The following ULK4 variants were observed in gnomAD, a reference collection of about 807,000 sequenced individuals.
The protein encoded by ULK4 is unc-51 like kinase 4, also known as inactive serine/threonine-protein kinase ULK4.
Under a neutral mutation model 160.6 loss-of-function variants are expected in ULK4, and 133 were observed. The ratio of observed to expected loss-of-function variants is 0.83; its 90% CI spans 0.72 to 0.96. ULK4 has a LOEUF of 0.96. Among genes scored for constraint, ULK4 ranks in the 40% least tolerant of loss-of-function variants. The pLI, the probability that ULK4 is intolerant of heterozygous loss-of-function variation, is 0.00. For synonymous variants in ULK4, 534 were observed against 539.8 expected (o/e 0.99, Z 0.15); for missense variants, 1,580 against 1,499.5 (o/e 1.05, Z -0.89).
intron 35 of ULK4, among the ~76,000 whole-genome samples, chr3:41,280,211 G>A (rs1177245768): frequency 6.6e-6 from 1 of 152,150 alleles, no homozygotes; most frequent in Admixed American, 6.6e-5. Context: ...ATAATAATGG[G>A]AGACTTTAAT....
At chr3:41,603,219 G>A (rs1049370055) in intron 31 of ULK4, among the ~76,000 whole-genome samples, 2 of 151,656 alleles carry the variant, frequency 1.3e-5, no homozygotes, top group African/African-American at 4.8e-5. Flanking sequence ...GAAATTAACA[G>A]GAACATAAAG....
At chr3:41,587,514 T>G (rs1190797669) in intron 31 of ULK4, among the ~76,000 whole-genome samples, 1 of 152,220 alleles carries the variant, frequency 6.6e-6, no homozygotes. Context: ...TGACTCCATG[T>G]AGATATATAG....
chr3:41,579,562 C>T (rs1267563096), intron 31 of ULK4, among the ~76,000 whole-genome samples: 1 of 144,616 alleles, frequency 6.9e-6, no homozygotes, highest in Non-Finnish European at 1.5e-5. Context: ...GGCGCGATCT[C>T]GACTCACTGC....
intron 19 of ULK4, among the ~76,000 whole-genome samples, chr3:41,801,638 C>T (rs1362321341): frequency 1.3e-5 from 2 of 151,862 alleles, no homozygotes; most frequent in Non-Finnish European, 2.9e-5. Context: ...TCAGTTGAGG[C>T]CAGGAGTTCA....
At chr3:41,709,807 G>A (rs2037027401) in intron 25 of ULK4, among the ~76,000 whole-genome samples, 2 of 152,134 alleles carry the variant, frequency 1.3e-5, no homozygotes, top group South Asian at 4.1e-4. Context: ...TGTTGAATAA[G>A]AAACTCAGAG....
chr3:41,602,001 C>T (rs1013584741), intron 31 of ULK4, among the ~76,000 whole-genome samples: 2 of 152,000 alleles, frequency 1.3e-5, no homozygotes, highest in African/African-American at 2.4e-5. Context: ...CAATACCAGG[C>T]TGGGCAACAT....
At chr3:41,756,246 T>C (rs2038800891) in intron 21 of ULK4, among the ~76,000 whole-genome samples, 1 of 152,216 alleles carries the variant, frequency 6.6e-6, no homozygotes, top group Non-Finnish European at 1.5e-5. Flanking sequence ...GCTGTATTAT[T>C]TCTATGCACC....
intron 32 of ULK4, among the ~76,000 whole-genome samples, chr3:41,474,999 A>C (rs1001879084): frequency 6.6e-6 from 1 of 152,176 alleles, no homozygotes; most frequent in Non-Finnish European, 1.5e-5. Context: ...GTATTTACCC[A>C]TAAGATTTGA....
intron 32 of ULK4, among the ~76,000 whole-genome samples, chr3:41,562,353 G>C (rs1674471664): frequency 6.6e-6 from 1 of 152,182 alleles, no homozygotes; most frequent in Non-Finnish European, 1.5e-5. Flanking sequence ...TTGGGGTGGA[G>C]AGTTCTGTAG....
At chr3:41,685,639 G>A (rs796576550) in intron 27 of ULK4, among the ~76,000 whole-genome samples, 10 of 152,248 alleles carry the variant, frequency 6.6e-5, no homozygotes, top group East Asian at 1.9e-4. Context: ...AGATAACATC[G>A]CAACCAGTTG....
intron 34 of ULK4, among the ~76,000 whole-genome samples, chr3:41,431,547 C>CA (rs563543377): frequency 3.1e-5 from 3 of 95,852 alleles, no homozygotes; most frequent in African/African-American, 1.3e-4. Flanking sequence ...AATTCCCTCC[C>CA]TTTTTTTTTT....
chr3:41,325,061 G>A (rs940637427), intron 35 of ULK4, among the ~76,000 whole-genome samples: 1 of 152,170 alleles, frequency 6.6e-6, no homozygotes, highest in African/African-American at 2.4e-5. Context: ...GCCTGTTACG[G>A]TGGTGAGAAT....
chr3:41,493,131 T>C (rs2084852654), intron 32 of ULK4, among the ~76,000 whole-genome samples: 1 of 131,006 alleles, frequency 7.6e-6, no homozygotes, highest in Non-Finnish European at 1.6e-5. Context: ...ATACATTTTT[T>C]TCAGTACCAC....
At chr3:41,629,119 G>A (rs779250547) in intron 30 of ULK4, among the ~76,000 whole-genome samples, 7 of 152,162 alleles carry the variant, frequency 4.6e-5, no homozygotes, top group Admixed American at 1.3e-4. Context: ...GTGGCATAAA[G>A]CAATAACCAT....
In ULK4 at chr3:41,649,806, A is replaced by C. The variant is rs562626197; in HGVS notation, c.3071+13801T>G. On this transcript the variant is annotated intron_variant, in intron 30 of 36. Coordinates refer to ENST00000301831, the MANE Select transcript of ULK4 (RefSeq NM_017886.4). The stretch of plus-strand genomic sequence containing the variant: ...GGCAGAAGAGGGAGGATTCCCAGTG[A>C]AACTCCACCTTCAAGCCAGGGATAG... Among the ~76,000 whole-genome samples the C allele has an allele frequency of 1.2e-3, 176 of 152,366 alleles. 1 individual carries two copies. In the South Asian group the frequency reaches 0.017, roughly 15 times the overall value.
rs1439742882 is a variant in ULK4, at chr3:41,705,088, T to C, written c.2750A>G (p.Tyr917Cys). 1.4e-5 allele frequency: 22 copies of C among 1,613,636 alleles called. No homozygotes were observed. The highest frequency in any genetic ancestry group is 2.2e-5 in the East Asian group (1 of 44,864). ...GCGATAGTCTTTCAATAAAATAGGA[T>C]ACTGTATTATTGCTTCAAAAGCTGA... ...TLSAFEAIIQYPILLKDYRST... is the reference protein window; with the variant it reads ...TLSAFEAIIQCPILLKDYRST... The change falls in exon 27 of 37, where the codon TAT becomes TGT. Residue 917 changes from tyrosine to cysteine, a missense_variant. By Grantham distance (194) the Tyr-to-Cys change is radical (BLOSUM62 -2). Coordinates refer to ENST00000301831, the MANE Select transcript of ULK4 (RefSeq NM_017886.4).
intron 21 of ULK4, among the ~76,000 whole-genome samples, chr3:41,769,909 A>G (rs2039297251): frequency 6.6e-6 from 1 of 152,202 alleles, no homozygotes; most frequent in African/African-American, 2.4e-5. Flanking sequence ...CCATCAACTG[A>G]TAACAGCCTG....
At chr3:41,728,041 G>A (rs1240586643) in intron 22 of ULK4, among the ~76,000 whole-genome samples, 2 of 152,192 alleles carry the variant, frequency 1.3e-5, no homozygotes, top group Admixed American at 1.3e-4. Flanking sequence ...TGCCAGAATA[G>A]CAAGTCTGGA....
chr3:41,293,916 T>G (rs1203949847), intron 35 of ULK4, among the ~76,000 whole-genome samples: 1 of 152,148 alleles, frequency 6.6e-6, no homozygotes, highest in African/African-American at 2.4e-5. Flanking sequence ...GTTTGAAAGG[T>G]GGAGAGAAAG....
Sources: allele counts gnomAD v4.1 joint callset (sites outside exome capture counted in the v4.1 genomes callset), GRCh38; gene constraint gnomAD v4.1.1; transcripts MANE v1.5; gene names NCBI Gene and HGNC (gene_info 2026-07-23, HGNC 2026-07-21).